Variants in ANXA4 observed in about 807,000 individuals in gnomAD.
ANXA4 encodes annexin A4.
In ANXA4, 39 loss-of-function variants were observed where a neutral mutation model predicts 49.8. That is an observed-to-expected ratio of 0.78 (90% CI 0.61 to 1.02). The LOEUF is 1.02. Ranked by LOEUF, ANXA4 falls within the 50% of genes least tolerant of loss-of-function variation. ANXA4 has a pLI of 0.00. For synonymous variants in ANXA4, 134 were observed against 152.5 expected (o/e 0.88, Z 0.89); for missense variants, 360 against 410.1 (o/e 0.88, Z 1.05).
chr2:69,795,175 C>G (rs1672891968), intron 3 of ANXA4, among the ~76,000 whole-genome samples: 1 of 152,166 alleles, frequency 6.6e-6, no homozygotes, highest in Non-Finnish European at 1.5e-5. Flanking sequence ...AAGACCCTGA[C>G]CTGAGGACGG....
intron 2 of ANXA4, among the ~76,000 whole-genome samples, chr2:69,692,699 C>G (rs142949187): frequency 1.6e-3 from 243 of 152,088 alleles, no homozygotes; most frequent in African/African-American, 5.6e-3. Flanking sequence ...AAACTGAGGC[C>G]CAAAGGATTT....
intron 1 of ANXA4, among the ~76,000 whole-genome samples, chr2:69,768,179 G>C (rs942324672): frequency 6.6e-6 from 1 of 152,162 alleles, no homozygotes; most frequent in Non-Finnish European, 1.5e-5. Flanking sequence ...AAATTATCAT[G>C]TCCAGTCCAC....
chr2:69,757,505 C>A (rs1671109263), intron 1 of ANXA4, among the ~76,000 whole-genome samples: 1 of 145,170 alleles, frequency 6.9e-6, no homozygotes, highest in South Asian at 2.2e-4. Flanking sequence ...GATCTCCTGA[C>A]CTCGTCATCC....
At chr2:69,701,377 G>A (rs755962294) in intron 2 of ANXA4, among the ~76,000 whole-genome samples, 4 of 151,876 alleles carry the variant, frequency 2.6e-5, no homozygotes, top group Non-Finnish European at 5.9e-5. Context: ...ACTGCCCTCC[G>A]TGTCCCTCCC....
At chr2:69,690,839 G>A (rs1677939723) in intron 2 of ANXA4, among the ~76,000 whole-genome samples, 1 of 152,176 alleles carries the variant, frequency 6.6e-6, no homozygotes, top group Admixed American at 6.5e-5. Context: ...ATCACCGGTT[G>A]CTCTATTAAG....
chr2:69,740,904 C>T (rs1007925987), upstream of ANXA4, among the ~76,000 whole-genome samples: 1 of 140,742 alleles, frequency 7.1e-6, no homozygotes, highest in Non-Finnish European at 1.5e-5. Context: ...ATTGGCCAGG[C>T]TTATCTCGAA....
chr2:69,660,695 T>A (rs1412265654), intron 2 of ANXA4, among the ~76,000 whole-genome samples: 1 of 151,482 alleles, frequency 6.6e-6, no homozygotes, highest in African/African-American at 2.4e-5. Context: ...AATGGTTAAA[T>A]AGCAGATAAG....
chr2:69,798,069 C>G (rs560720175), intron 3 of ANXA4, among the ~76,000 whole-genome samples: 1 of 152,176 alleles, frequency 6.6e-6, no homozygotes, highest in Non-Finnish European at 1.5e-5. Flanking sequence ...AGGGGCTATC[C>G]GGTCCGACTG....
chr2:69,794,609 C>CTGGA (rs560782954), intron 3 of ANXA4, among the ~76,000 whole-genome samples: 112 of 151,654 alleles, frequency 7.4e-4, no homozygotes, highest in Non-Finnish European at 9.3e-4. Flanking sequence ...GTCGCCCAGG[C>CTGGA]TGGAGTGCAG....
In ANXA4 at chr2:69,804,137, CAAAAA is replaced by C. The variant is rs377321563; in HGVS notation, c.98-378_98-374del. On this transcript the variant is annotated intron_variant, in intron 3 of 12. Coordinates refer to ENST00000394295, the MANE Select transcript of ANXA4 (RefSeq NM_001153.5). ...TGGGTGACAGAGTGAGACTTTCTCTCAAAAAAAAAAAAAAAAAAAAAATATTCTAG... is the reference window on the plus strand; with the variant it reads ...TGGGTGACAGAGTGAGACTTTCTCTCAAAAAAAAAAAAAAAAATATTCTAG... Among the ~76,000 whole-genome samples the C allele has an allele frequency of 3.2e-3, 283 of 88,848 alleles. 1 individual carries two copies. The highest frequency in any genetic ancestry group is 0.01 in the African/African-American group (242 of 23,510). 58.3% of individuals were successfully genotyped at this position (88,848 alleles called of 152,430 possible).
chr2:69,680,158 G>C (rs1677547070), intron 2 of ANXA4, among the ~76,000 whole-genome samples: 1 of 152,086 alleles, frequency 6.6e-6, no homozygotes, highest in Non-Finnish European at 1.5e-5. Context: ...CTTTTCATTT[G>C]TTTGTGTCCT....
At chr2:69,738,306 T>G (rs552411466), upstream of ANXA4, among the ~76,000 whole-genome samples, 8 of 152,234 alleles carry the variant, frequency 5.3e-5, no homozygotes, top group South Asian at 4.2e-4. Flanking sequence ...TCCTCTTAGA[T>G]TCCCCAAAGA....
intron 2 of ANXA4, among the ~76,000 whole-genome samples, chr2:69,703,273 A>G (rs1412008384): frequency 6.6e-6 from 1 of 151,812 alleles, no homozygotes; most frequent in Non-Finnish European, 1.5e-5. Context: ...TTAAAATATA[A>G]TTCACATATA....
At chr2:69,670,067 G>T (rs915825072) in intron 2 of ANXA4, among the ~76,000 whole-genome samples, 1 of 152,094 alleles carries the variant, frequency 6.6e-6, no homozygotes, top group Non-Finnish European at 1.5e-5. Flanking sequence ...CTAGAGACAG[G>T]GTAGGAACTG....
At chr2:69,762,354 C>G (rs181130669) in intron 1 of ANXA4, among the ~76,000 whole-genome samples, 3 of 151,398 alleles carry the variant, frequency 2.0e-5, no homozygotes, top group South Asian at 2.1e-4. Flanking sequence ...CCACTGCACT[C>G]TAGCCTGGGT....
intron 1 of ANXA4, among the ~76,000 whole-genome samples, chr2:69,758,647 A>G (rs940693593): frequency 6.6e-6 from 1 of 152,180 alleles, no homozygotes; most frequent in Admixed American, 6.6e-5. Context: ...TGATAAGGCA[A>G]GTTAATAATA....
chr2:69,822,545 GTATATACATACA>G (rs1455324146), intron 12 of ANXA4, among the ~76,000 whole-genome samples: 1 of 151,926 alleles, frequency 6.6e-6, no homozygotes, highest in Non-Finnish European at 1.5e-5. Context: ...TAAACAAAAT[GTATATACATACA>G]TAAAAAGCAA....
At chr2:69,736,395 C>T (rs1429029136) in intron 3 of ANXA4, among the ~76,000 whole-genome samples, 3 of 152,128 alleles carry the variant, frequency 2.0e-5, no homozygotes, top group East Asian at 1.9e-4. Flanking sequence ...TCTAACTCAT[C>T]GAACCGTGTG....
At chr2:69,778,968 C>T (rs1672083137) in intron 1 of ANXA4, among the ~76,000 whole-genome samples, 1 of 151,158 alleles carries the variant, frequency 6.6e-6, no homozygotes, top group Non-Finnish European at 1.5e-5. Context: ...TATGGTGATA[C>T]ATGCCTGTAA....
Sources: gnomAD v4.1 joint callset for allele counts (sites outside exome capture counted in the v4.1 genomes callset) on GRCh38, gnomAD v4.1.1 for gene constraint, MANE v1.5 for transcripts, NCBI Gene and HGNC (gene_info 2026-07-23, HGNC 2026-07-21) for gene names.